The following ZNRF3 variants were observed in gnomAD, a reference collection of about 807,000 sequenced individuals.
The protein encoded by ZNRF3 is zinc and ring finger 3.
ZNRF3 carries 23 observed loss-of-function variants against 72.5 expected under a neutral mutation model. That is an observed-to-expected ratio of 0.32 (90% CI 0.23 to 0.45). The LOEUF (loss-of-function observed/expected upper bound fraction) is 0.45, where lower values mean the gene tolerates loss of function less well. Among genes scored for constraint, ZNRF3 ranks in the 20% least tolerant of loss-of-function variants. The pLI is 1.00. For synonymous variants in ZNRF3, 610 were observed against 545.3 expected (o/e 1.12, Z -1.65); for missense variants, 1,169 against 1,272.1 (o/e 0.92, Z 1.23).
chr22:28,985,704 A>T (rs2035844673), intron 1 of ZNRF3, among the ~76,000 whole-genome samples: 1 of 152,214 alleles, frequency 6.6e-6, no homozygotes, highest in Non-Finnish European at 1.5e-5. Flanking sequence ...TGTGTCTTGG[A>T]AAAGCCACTT....
intron 1 of ZNRF3, among the ~76,000 whole-genome samples, chr22:28,924,054 G>A (rs961953720): frequency 7.9e-5 from 12 of 152,276 alleles, no homozygotes; most frequent in African/African-American, 2.9e-4. Flanking sequence ...CAAAGCCAGT[G>A]GAGCAGCCCG....
chr22:29,009,182 C>T (rs911174652), intron 2 of ZNRF3, among the ~76,000 whole-genome samples: 6 of 152,040 alleles, frequency 3.9e-5, no homozygotes, highest in Middle Eastern at 3.2e-3. Context: ...TCAGCAGGGA[C>T]GGCTTCACAG....
intron 1 of ZNRF3, among the ~76,000 whole-genome samples, chr22:28,942,248 G>A (rs951821103): frequency 2.8e-4 from 43 of 152,380 alleles, no homozygotes; most frequent in African/African-American, 6.7e-4. Context: ...CGATGCCGAT[G>A]CAGAGAGCCT....
intron 1 of ZNRF3, among the ~76,000 whole-genome samples, chr22:28,940,945 T>A (rs1335745592): frequency 6.6e-6 from 1 of 152,362 alleles, no homozygotes; most frequent in East Asian, 1.9e-4. Context: ...TTAAGCACTT[T>A]GATCACCCTC....
chr22:29,042,845 G>T (rs1171680590), intron 3 of ZNRF3, among the ~76,000 whole-genome samples: 3 of 151,632 alleles, frequency 2.0e-5, no homozygotes, highest in Admixed American at 2.0e-4. Flanking sequence ...CGCAATTTCA[G>T]CTCACTGCAA....
intron 2 of ZNRF3, among the ~76,000 whole-genome samples, chr22:28,990,132 C>A (rs1601635451): frequency 1.3e-5 from 2 of 152,318 alleles, no homozygotes; most frequent in Admixed American, 1.3e-4. Context: ...CCAGGCCAGG[C>A]CCAGCCTCAG....
At chr22:28,997,712 T>A (rs1454396218) in intron 2 of ZNRF3, among the ~76,000 whole-genome samples, 1 of 151,852 alleles carries the variant, frequency 6.6e-6, no homozygotes, top group African/African-American at 2.4e-5. Context: ...ATTCTGATAA[T>A]TAAAAAAAGA....
chr22:29,056,037 T>C lies in ZNRF3; in HGVS notation c.*2415T>C, dbSNP rs1601725649. On this transcript the variant is annotated 3_prime_UTR_variant, in exon 9 of 9. Coordinates refer to ENST00000544604, the MANE Select transcript of ZNRF3 (RefSeq NM_001206998.2). The stretch of plus-strand genomic sequence containing the variant: ...ATGGCGAAAGAAACCCATTTAATTT[T>C]TGTAGCTTACAGGTGGTAGAAACAA... The C allele has an allele frequency of 1.3e-5, 2 of 152,236 alleles. No homozygotes were observed. The highest frequency in any genetic ancestry group is 4.8e-5 in the African/African-American group (2 of 41,464). The allele number at this position is 152,236 out of a possible 1,614,324, so 9.4% of individuals were successfully genotyped here. A position where few individuals can be genotyped will look rare whatever the true frequency, so the allele number is the denominator to read the frequency against.
At chr22:28,887,874 C>T (rs918498988) in intron 1 of ZNRF3, among the ~76,000 whole-genome samples, 8 of 152,060 alleles carry the variant, frequency 5.3e-5, no homozygotes, top group Admixed American at 1.3e-4. Context: ...AATAAAGGCC[C>T]GATTAAACAC....
intron 2 of ZNRF3, among the ~76,000 whole-genome samples, chr22:29,022,416 A>T (rs1453784670): frequency 6.6e-6 from 1 of 152,182 alleles, no homozygotes; most frequent in Admixed American, 6.5e-5. Flanking sequence ...CTGAAGTAGG[A>T]CTGGAGACTT....
At chr22:28,960,621 G>A (rs1359077845) in intron 1 of ZNRF3, among the ~76,000 whole-genome samples, 1 of 152,212 alleles carries the variant, frequency 6.6e-6, no homozygotes, top group Non-Finnish European at 1.5e-5. Flanking sequence ...TTTTAAAAAG[G>A]GATAGTTGGG....
At chr22:28,967,736 A>G (rs982240650) in intron 1 of ZNRF3, among the ~76,000 whole-genome samples, 3 of 151,658 alleles carry the variant, frequency 2.0e-5, no homozygotes, top group South Asian at 4.2e-4. Flanking sequence ...AGACCAGCCT[A>G]GACAACATAG....
chr22:28,959,199 C>T (rs762613760), intron 1 of ZNRF3, among the ~76,000 whole-genome samples: 2 of 152,222 alleles, frequency 1.3e-5, no homozygotes, highest in Non-Finnish European at 2.9e-5. Flanking sequence ...GAGCATCTGA[C>T]CCAGCAGCCC....
intron 2 of ZNRF3, among the ~76,000 whole-genome samples, chr22:29,031,922 A>C (rs1467901219): frequency 6.6e-6 from 1 of 152,170 alleles, no homozygotes; most frequent in Non-Finnish European, 1.5e-5. Flanking sequence ...TGTGTCTCTC[A>C]AGCCTTCAAG....
At chr22:28,990,281 C>T (rs2035930841) in intron 2 of ZNRF3, among the ~76,000 whole-genome samples, 1 of 152,176 alleles carries the variant, frequency 6.6e-6, no homozygotes, top group African/African-American at 2.4e-5. Context: ...TATTCTAGTT[C>T]GGAGAGATTC....
intron 1 of ZNRF3, among the ~76,000 whole-genome samples, chr22:28,945,598 T>A (rs929219366): frequency 1.3e-5 from 2 of 151,910 alleles, no homozygotes; most frequent in African/African-American, 4.8e-5. Flanking sequence ...GGTGCGATCT[T>A]GGCTCACTGC....
chr22:29,023,840 C>G (rs1002904819), intron 2 of ZNRF3, among the ~76,000 whole-genome samples: 1 of 152,294 alleles, frequency 6.6e-6, no homozygotes. Flanking sequence ...CCAGCCAGTT[C>G]CCCATGCCTG....
intron 4 of ZNRF3, 33 bp downstream of exon 4, chr22:29,043,463 G>A (rs768509250): frequency 6.2e-7 from 1 of 1,609,820 alleles, no homozygotes; most frequent in African/African-American, 1.3e-5. Context: ...ACAGGCTCGG[G>A]GCCTTCTCTG....
At chr22:29,014,600 C>G (rs1431488638) in intron 2 of ZNRF3, among the ~76,000 whole-genome samples, 1 of 152,168 alleles carries the variant, frequency 6.6e-6, no homozygotes, top group Non-Finnish European at 1.5e-5. Context: ...TTTTGTAGCT[C>G]AGTGTAAAAT....
Sources: allele counts gnomAD v4.1 joint callset (sites outside exome capture counted in the v4.1 genomes callset), GRCh38; gene constraint gnomAD v4.1.1; transcripts MANE v1.5; gene names NCBI Gene and HGNC (gene_info 2026-07-23, HGNC 2026-07-21).